The following PIGK variants were observed in gnomAD, a reference collection of about 807,000 sequenced individuals.
PIGK encodes the protein GPI-anchor transamidase.
PIGK carries 42 observed loss-of-function variants against 50.6 expected under a neutral mutation model. That is an observed-to-expected ratio of 0.83 (90% CI 0.65 to 1.07). PIGK has a LOEUF of 1.07. Ranked by LOEUF, PIGK falls within the 50% of genes least tolerant of loss-of-function variation. The probability of loss-of-function intolerance (pLI) is 0.00; values close to 1 mark genes in which losing one functional copy is unlikely to be tolerated. For synonymous variants in PIGK, 151 were observed against 156.0 expected (o/e 0.97, Z 0.24); for missense variants, 448 against 488.7 (o/e 0.92, Z 0.78).
intron 3 of PIGK, among the ~76,000 whole-genome samples, chr1:77,197,493 C>CT (rs1656062909): frequency 6.6e-6 from 1 of 152,196 alleles, no homozygotes; most frequent in Admixed American, 6.5e-5. Flanking sequence ...TTCTTACTCT[C>CT]TGCAGGCTGT....
chr1:77,090,383 C>T lies in PIGK; in HGVS notation c.*1991G>A, dbSNP rs1211603672. The T allele has an allele frequency of 6.6e-6, 1 of 152,150 alleles. No homozygotes were observed. The highest frequency in any genetic ancestry group is 2.4e-5 in the African/African-American group (1 of 41,428). 9.4% of individuals were successfully genotyped at this position (152,150 alleles called of 1,614,324 possible). On this transcript the variant is annotated 3_prime_UTR_variant, in exon 11 of 11. Coordinates refer to ENST00000370812, the MANE Select transcript of PIGK (RefSeq NM_005482.3). Reference sequence around the variant, plus strand: ...AGTGAAACATTTAACATATTTTAAGCTTTTGGCTTTAACTATATTCTGAAG... The same window carrying T: ...AGTGAAACATTTAACATATTTTAAGTTTTTGGCTTTAACTATATTCTGAAG...
intron 3 of PIGK, chr1:77,195,357 G>T (rs893754535): frequency 3.2e-6 from 4 of 1,258,288 alleles, no homozygotes; most frequent in South Asian, 1.3e-5. Context: ...CGGAGGCACA[G>T]GCACTTCTCC....
chr1:77,207,036 G>A (rs1027247292), intron 2 of PIGK, among the ~76,000 whole-genome samples: 5 of 152,044 alleles, frequency 3.3e-5, no homozygotes, highest in South Asian at 2.1e-4. Flanking sequence ...GTGTGGTGGC[G>A]TGCACCTGTA....
intron 1 of PIGK, 104 bp downstream of exon 1, chr1:77,219,206 G>A: frequency 1.1e-6 from 1 of 883,640 alleles, no homozygotes; most frequent in Non-Finnish European, 1.8e-6. Context: ...TGGGTCAGGG[G>A]CTGATTGACT....
Position 77,169,702 on chromosome 1 carries a change from A to T in PIGK, c.240-307T>A, listed in dbSNP as rs1655317508. Reference sequence around the variant, plus strand: ...CAATCTGGCATAAACTTATGAACAGAATTTCAAGTTACAATGTTTTTCTGA... The same window carrying T: ...CAATCTGGCATAAACTTATGAACAGTATTTCAAGTTACAATGTTTTTCTGA... On this transcript the variant is annotated intron_variant, in intron 3 of 10. Transcript: ENST00000370812. Among the ~76,000 whole-genome samples the T allele has an allele frequency of 2.0e-5, 3 of 152,318 alleles. No individual in the cohort carries two copies. The South Asian group carries it at 6.2e-4, about 32-fold the overall frequency.
At chr1:77,171,385 C>T (rs927590364) in intron 3 of PIGK, among the ~76,000 whole-genome samples, 4 of 134,814 alleles carry the variant, frequency 3.0e-5, no homozygotes, top group South Asian at 2.4e-4. Flanking sequence ...CGCAGTGAGC[C>T]GACATCGCGT....
At chr1:77,117,463 A>G (rs1274143251) in intron 10 of PIGK, among the ~76,000 whole-genome samples, 4 of 152,210 alleles carry the variant, frequency 2.6e-5, no homozygotes. Context: ...GAATTCCTCA[A>G]TCTTCTGCTA....
chr1:77,161,765 T>C (rs17099983), intron 6 of PIGK, 54 bp from the exon 7 acceptor site: 41,093 of 770,808 alleles, frequency 0.053, 2,399 homozygotes, highest in South Asian at 0.19. Context: ...AATCATACAC[T>C]AATATTTCTA....
chr1:77,099,713 T>G (rs915596264), intron 10 of PIGK, among the ~76,000 whole-genome samples: 4 of 152,216 alleles, frequency 2.6e-5, no homozygotes, highest in African/African-American at 9.6e-5. Context: ...GGTATAATTA[T>G]TGCATTTGGC....
At chr1:77,176,240 G>T (rs1655487824) in intron 3 of PIGK, among the ~76,000 whole-genome samples, 1 of 152,090 alleles carries the variant, frequency 6.6e-6, no homozygotes, top group South Asian at 2.1e-4. Flanking sequence ...TCAAATTTCA[G>T]CTTCAAAATT....
chr1:77,154,282 T>G, intron 9 of PIGK, 167 bp downstream of exon 9: 1 of 581,482 alleles, frequency 1.7e-6, no homozygotes, highest in East Asian at 2.9e-5. Flanking sequence ...ATTGATAGTT[T>G]TTACATATAA....
chr1:77,183,554 G>T (rs1655670067), intron 3 of PIGK, among the ~76,000 whole-genome samples: 1 of 152,130 alleles, frequency 6.6e-6, no homozygotes, highest in Admixed American at 6.6e-5. Context: ...CACTTGAAGT[G>T]CTTGAGTTTT....
intron 10 of PIGK, among the ~76,000 whole-genome samples, chr1:77,096,119 T>C (rs905703348): frequency 1.7e-4 from 26 of 151,846 alleles, no homozygotes; most frequent in Non-Finnish European, 3.1e-4. Context: ...GAAAGAACAA[T>C]ATAAAGAGAA....
At chr1:77,172,739 C>T (rs986796101) in intron 3 of PIGK, among the ~76,000 whole-genome samples, 9 of 151,844 alleles carry the variant, frequency 5.9e-5, no homozygotes, top group Non-Finnish European at 7.4e-5. Context: ...CTGGCTAACA[C>T]GGTGAAACCC....
intron 10 of PIGK, among the ~76,000 whole-genome samples, chr1:77,098,631 G>A (rs1032045809): frequency 3.3e-5 from 5 of 152,014 alleles, no homozygotes; most frequent in South Asian, 2.1e-4. Flanking sequence ...GAACTACCAC[G>A]CCTGGCTGCA....
At chr1:77,157,686 G>A (rs551143491) in intron 8 of PIGK, among the ~76,000 whole-genome samples, 4 of 152,190 alleles carry the variant, frequency 2.6e-5, no homozygotes, top group East Asian at 3.9e-4. Context: ...TCTTCAAAAC[G>A]AAGTTAGAAA....
At chr1:77,191,607 G>C (rs746544587) in intron 3 of PIGK, among the ~76,000 whole-genome samples, 1 of 152,210 alleles carries the variant, frequency 6.6e-6, no homozygotes, top group Non-Finnish European at 1.5e-5. Flanking sequence ...CAAATGGCAA[G>C]AAAATCAAAA....
chr1:77,175,712 G>A (rs1655469625), intron 3 of PIGK, among the ~76,000 whole-genome samples: 1 of 152,098 alleles, frequency 6.6e-6, no homozygotes, highest in African/African-American at 2.4e-5. Flanking sequence ...AAGAGATTCT[G>A]TGTGTAAACA....
chr1:77,143,462 C>G (rs1654702305), intron 9 of PIGK, among the ~76,000 whole-genome samples: 1 of 151,912 alleles, frequency 6.6e-6, no homozygotes, highest in African/African-American at 2.4e-5. Context: ...ATATCATAAG[C>G]AAAGACCGCA....
Sources: gnomAD v4.1 joint callset for allele counts (sites outside exome capture counted in the v4.1 genomes callset) on GRCh38, gnomAD v4.1.1 for gene constraint, MANE v1.5 for transcripts, NCBI Gene and HGNC (gene_info 2026-07-23, HGNC 2026-07-21) for gene names.